Variants in LTK observed in about 807,000 individuals in gnomAD.
LTK encodes leukocyte tyrosine kinase receptor.
A neutral mutation model predicts 101.5 loss-of-function variants in LTK; 117 were observed. The observed-to-expected ratio is 1.15, with a 90% confidence interval of 0.99 to 1.34. The LOEUF (loss-of-function observed/expected upper bound fraction) is 1.34. LTK is among the 40% of genes most tolerant of loss of function. The probability of loss-of-function intolerance (pLI) is 0.00; values close to 1 mark genes in which losing one functional copy is unlikely to be tolerated. For missense variants in LTK, 1,252 were observed against 1,164.7 expected, an observed-to-expected ratio of 1.07 and a Z score of -1.09; for synonymous variants, 563 against 494.2, an observed-to-expected ratio of 1.14 and a Z score of -1.85.
intron 3 of LTK, 23 bp downstream of exon 3, chr15:41,512,684 C>T (rs1312044387): frequency 6.5e-7 from 1 of 1,535,048 alleles, no homozygotes; most frequent in Admixed American, 2.0e-5. Flanking sequence ...TCACTGTCCA[C>T]CCTACCTCCG....
Position 41,512,773 on chromosome 15 carries a change from G to T in LTK, c.293C>A (p.Thr98Asn), listed in dbSNP as rs1191477721. The change falls in exon 3 of 20, where the codon ACC becomes AAC. Residue 98 changes from threonine to asparagine, a missense_variant. By Grantham distance (65) the Thr-to-Asn change is moderately conservative. Transcript: ENST00000263800. ...TCTCAGCTGCCCGGCGGCCCCCACG[G>T]TCACCACCACGCTGGTCCCCGCGTA... ...GAYAGTSVVVTVGAAGQLRGV... is the reference protein window; with the variant it reads ...GAYAGTSVVVNVGAAGQLRGV... The T allele has an allele frequency of 6.2e-7, 1 of 1,611,062 alleles. No homozygotes were observed. The highest frequency in any genetic ancestry group is 1.1e-5 in the South Asian group (1 of 90,956).
In LTK at chr15:41,505,306, C is replaced by G. The variant is rs144415087; in HGVS notation, c.1828-1G>C. 1.9e-6 allele frequency: 3 copies of G among 1,613,938 alleles called. No individual in the cohort carries two copies. The highest frequency in any genetic ancestry group is 2.5e-6 in the Non-Finnish European group (3 of 1,179,954). On this transcript the variant is annotated splice_acceptor_variant, in intron 14 of 19. Transcript: ENST00000263800. LOFTEE classifies it high-confidence loss of function. Reference sequence around the variant, plus strand: ...GCATGACCAGAGGTGATGGCTGGCCCTGGGTCAGGCAGAGGGGGCATCAGT... The same window carrying G: ...GCATGACCAGAGGTGATGGCTGGCCGTGGGTCAGGCAGAGGGGGCATCAGT...
intron 7 of LTK, among the ~76,000 whole-genome samples, chr15:41,509,873 T>C (rs527464505): frequency 6.6e-6 from 1 of 152,100 alleles, no homozygotes; most frequent in South Asian, 2.1e-4. Context: ...AAAAAATTCA[T>C]ATATTTATTG....
chr15:41,509,008 A>G, intron 8 of LTK, 23 bp downstream of exon 8: 3 of 1,553,096 alleles, frequency 1.9e-6, no homozygotes, highest in Non-Finnish European at 2.6e-6. Flanking sequence ...GGCCAGGCTC[A>G]GAGGTGGGGT....
At chr15:41,513,159 G>A in intron 1 of LTK, 39 bp from the exon 2 acceptor site, 1 of 1,539,112 alleles carries the variant, frequency 6.5e-7, no homozygotes, top group Middle Eastern at 1.7e-4. Context: ...CGTTAAGGCG[G>A]GTGGAAATAG....
At position 41,511,716 on chromosome 15, in the gene LTK, A is replaced by G. The variant is rs2254078; in HGVS notation, c.657+101T>C. On this transcript the variant is annotated intron_variant, in intron 5 of 19. Transcript: ENST00000263800. This position sits in a 1 kb window ranked among gnomAD's most constrained non-coding sequence, Gnocchi z 5.9. The stretch of plus-strand genomic sequence containing the variant: ...AGCCCAGGCCAGCCCAGCCCAGCGC[A>G]GGGATAGGGGGACCCCAAGGGACGG... The G allele has an allele frequency of 0.44, 621,990 of 1,425,166 alleles. 137,124 individuals carry two copies. Among genetic ancestry groups the G allele is most frequent in the Admixed American group, 0.47 (13,492 of 28,534 alleles). 88.3% of individuals were successfully genotyped at this position (1,425,166 alleles called of 1,614,324 possible).
chr15:41,505,224 T>C lies in LTK; in HGVS notation c.1909A>G (p.Asn637Asp). The C allele has an allele frequency of 1.2e-6, 2 of 1,614,038 alleles. No homozygotes were observed. The highest frequency in any genetic ancestry group is 8.5e-7 in the Non-Finnish European group (1 of 1,179,976). ...GCTCCTAACCTGTGGATGAAGTGAT[T>C]TTCCTCCAGGTAGTGGCAGCCCTGG... is the stretch of plus-strand genomic sequence containing the variant. ...IAQGCHYLEE[N>D]HFIHRDIAAR... Residue 637 changes from asparagine (N) to aspartate (D), a missense_variant, in exon 15 of 20, where the codon AAT becomes GAT. Asn to Asp is a conservative substitution (Grantham distance 23). Coordinates refer to ENST00000263800, the MANE Select transcript of LTK (RefSeq NM_002344.6).
chr15:41,504,239 C>T lies in LTK; in HGVS notation c.2352G>A (p.Pro784=), dbSNP rs141324634. 1.0e-4 allele frequency: 168 copies of T among 1,607,760 alleles called. No homozygotes were observed. The South Asian group carries it at 1.2e-3, about 12-fold the overall frequency. Residue 784 remains proline, a synonymous_variant, in exon 20 of 20, where the codon CCG becomes CCA. Transcript: ENST00000263800. ...LERLQYCTQD[P]DVLNSLLPME... is the part of the protein sequence containing the mutation. Reference sequence around the variant, plus strand: ...TTGGCAGGAGTGAATTCAGCACATCCGGGTCCTGTAATGGAAGAGTCAGGG... The same window carrying T: ...TTGGCAGGAGTGAATTCAGCACATCTGGGTCCTGTAATGGAAGAGTCAGGG...
chr15:41,511,653 G>A lies in LTK; in HGVS notation c.658-75C>T, dbSNP rs981618165. On this transcript the variant is annotated intron_variant, in intron 5 of 19. Coordinates refer to ENST00000263800, the MANE Select transcript of LTK (RefSeq NM_002344.6). This position sits in a 1 kb window ranked among gnomAD's most constrained non-coding sequence, Gnocchi z 5.9. The stretch of plus-strand genomic sequence containing the variant: ...GCACTGCCACTGGGAGAGGGCTCCC[G>A]CCCAGGGGGCCTGGATAAGGGCAGG... 7.2e-7 allele frequency: 1 copy of A among 1,394,702 alleles called. No homozygotes were observed. The highest frequency in any genetic ancestry group is 3.0e-5 in the East Asian group (1 of 33,348). 86.4% of individuals were successfully genotyped at this position (1,394,702 alleles called of 1,614,324 possible). A position where few individuals can be genotyped will look rare whatever the true frequency, so the allele number is the denominator to read the frequency against.
Position 41,504,973 on chromosome 15 carries a change from G to T in LTK, c.2017C>A (p.Arg673=). 9.9e-6 allele frequency: 16 copies of T among 1,610,202 alleles called. No individual in the cohort carries two copies. The highest frequency in any genetic ancestry group is 1.4e-5 in the Non-Finnish European group (16 of 1,177,948). Residue 673 remains arginine, a splice_region_variant and synonymous_variant, in exon 16 of 20, where the codon CGG becomes AGG. Coordinates refer to ENST00000263800, the MANE Select transcript of LTK (RefSeq NM_002344.6). ...CTTCCCACCTCCCAAGTCCCGCACC[G>T]GTAGATATCTCGTGCCATCCCAAAG... ...GDFGMARDIY[R]ASYYRRGDRA... is the part of the protein sequence containing the mutation.
At chr15:41,508,010 A>AC in intron 9 of LTK, 59 bp downstream of exon 9, 1 of 1,513,584 alleles carries the variant, frequency 6.6e-7, no homozygotes, top group Non-Finnish European at 8.9e-7. Flanking sequence ...CCAGTGGCCT[A>AC]CTGCTCCTCC....
At position 41,504,855 on chromosome 15, in the gene LTK, C is replaced by T. The variant is rs757829209; in HGVS notation, c.2038G>A (p.Gly680Arg). The change falls in exon 17 of 20, where the codon GGG (glycine) becomes AGG (arginine). Residue 680 changes from glycine to arginine, a missense_variant. Transcript: ENST00000263800. ...DIYRASYYRR[G>R]DRALLPVKWM... is the part of the protein sequence containing the mutation. ...TTGACTGGGAGCAAGGCCCGGTCCC[C>T]CCTGCGGTAATAACTGGCCCTACAG... 6.8e-6 allele frequency: 11 copies of T among 1,612,974 alleles called. No individual in the cohort carries two copies. The highest frequency in any genetic ancestry group is 9.3e-6 in the Non-Finnish European group (11 of 1,179,740).
rs1395168804 is a variant in LTK, at chr15:41,508,052, G to A, written c.1249+17C>T. 1.3e-6 allele frequency: 2 copies of A among 1,574,386 alleles called. No individual in the cohort carries two copies. Among genetic ancestry groups the A allele is most frequent in the Admixed American group, 3.6e-5 (2 of 55,988 alleles). On this transcript the variant is annotated intron_variant, in intron 9 of 19. Coordinates refer to ENST00000263800, the MANE Select transcript of LTK (RefSeq NM_002344.6). ...GTGACCCCAGGAGTCCAGACCTTGG[G>A]CAAAGGTAGGACATACCCATGCAGG... is the stretch of plus-strand genomic sequence containing the variant.
At position 41,512,249 on chromosome 15, in the gene LTK, C is replaced by A; in HGVS notation, c.376G>T (p.Ala126Ser). 6.2e-7 allele frequency: 1 copy of A among 1,612,538 alleles called. No individual in the cohort carries two copies. The part of the protein sequence containing the change: ...PGQYLISAYG[A>S]AGGKGAKNHL... ...TTCTTGGCGCCTTTGCCGCCCGCGG[C>A]TCCGTAGGCTGAGATCCTGCGGGGA... is the stretch of plus-strand genomic sequence containing the variant. Residue 126 changes from alanine to serine, a missense_variant, in exon 4 of 20, where the codon GCC (alanine) becomes TCC (serine). Ala to Ser is a moderately conservative substitution (Grantham distance 99, BLOSUM62 1). Coordinates refer to ENST00000263800, the MANE Select transcript of LTK (RefSeq NM_002344.6).
chr15:41,504,268 A>G, intron 19 of LTK, 24 bp from the exon 20 acceptor site: 1 of 1,607,876 alleles, frequency 6.2e-7, no homozygotes, highest in Non-Finnish European at 8.5e-7. Context: ...GTCAGGGAGC[A>G]GGGGGGCATA....
chr15:41,512,306 AGGCCGGCCGCTCC>A (rs1322014342), intron 3 of LTK, 41 bp from the exon 4 acceptor site: 1 of 1,580,246 alleles, frequency 6.3e-7, no homozygotes, highest in Non-Finnish European at 8.6e-7. Context: ...TTCGGTGCTC[AGGCCGGCCGCTCC>A]GGGCAGAAGT....
rs770753186 is a variant in LTK at position 41,511,305 on chromosome 15, C to G, written c.856G>C (p.Ala286Pro). The G allele has an allele frequency of 1.5e-6, 2 of 1,371,878 alleles. No individual in the cohort carries two copies. Among genetic ancestry groups the G allele is most frequent in the Non-Finnish European group, 1.9e-6 (2 of 1,070,726 alleles). 85.0% of individuals were successfully genotyped at this position (1,371,878 alleles called of 1,614,324 possible). A position where few individuals can be genotyped will look rare whatever the true frequency, so the allele number is the denominator to read the frequency against. Residue 286 changes from alanine (A) to proline (P), a missense_variant, in exon 7 of 20, where the codon GCC becomes CCC. By Grantham distance (27) the Ala-to-Pro change is conservative (BLOSUM62 -1). Transcript: ENST00000263800. This position sits in a 1 kb window ranked among gnomAD's most constrained non-coding sequence, Gnocchi z 5.9. ...GCCCCCTCCTGCAGTGAGCGGCCGGCCTGCGGAGAGGGAGCCCGCGACGTC... is the reference window on the plus strand; with the variant it reads ...GCCCCCTCCTGCAGTGAGCGGCCGGGCTGCGGAGAGGGAGCCCGCGACGTC... ...GWTSRAPSPQAGRSLQEGAEG... is the reference protein window; with the variant it reads ...GWTSRAPSPQPGRSLQEGAEG...
rs758639113 is a variant in LTK at position 41,513,666 on chromosome 15, C to G, written c.43+1G>C. 6.2e-7 allele frequency: 1 copy of G among 1,613,064 alleles called. No individual in the cohort carries two copies. Among genetic ancestry groups the G allele is most frequent in the Non-Finnish European group, 8.5e-7 (1 of 1,179,724 alleles). On this transcript the variant is annotated splice_donor_variant, in intron 1 of 19. Coordinates refer to ENST00000263800, the MANE Select transcript of LTK (RefSeq NM_002344.6). LOFTEE classifies it high-confidence loss of function. ...TCCCCTGACCGCCAGATAGCACTTACCCGCGGCTCCGAACCACACCAGCAG... is the reference window on the plus strand; with the variant it reads ...TCCCCTGACCGCCAGATAGCACTTAGCCGCGGCTCCGAACCACACCAGCAG...
Position 41,505,413 on chromosome 15 carries a change from A to G in LTK, c.1815T>C (p.Ser605=), listed in dbSNP as rs777908088. 1 of 1,613,940 alleles carries G rather than the reference A, an allele frequency of 6.2e-7. No homozygotes were observed. The highest frequency in any genetic ancestry group is 1.1e-5 in the South Asian group (1 of 91,058). Residue 605 remains serine (S), a synonymous_variant, in exon 14 of 20, where the codon AGT becomes AGC. Transcript: ENST00000263800. ...GGDMKSFLRH[S]RPHLGQPSPL... ...ACAAGGGTCTCACCAGGTGTGGCCG[A>G]CTGTGCCTCAGGAAACTCTTCATGT...
Sources: gnomAD v4.1 joint callset for allele counts (sites outside exome capture counted in the v4.1 genomes callset) on GRCh38, gnomAD v4.1.1 for gene constraint, Gnocchi (gnomAD v3.1) non-coding constraint, MANE v1.5 for transcripts, NCBI Gene and HGNC (gene_info 2026-07-23, HGNC 2026-07-21) for gene names.